AP3B1: variants seen among roughly 807,000 people sequenced by gnomAD.
AP3B1 encodes adaptor related protein complex 3 subunit beta 1.
Under a neutral mutation model 132.5 loss-of-function variants are expected in AP3B1, and 61 were observed. That is an observed-to-expected ratio of 0.46 (90% CI 0.37 to 0.57). The LOEUF (loss-of-function observed/expected upper bound fraction) is 0.57, where lower values mean the gene tolerates loss of function less well. Ranked by LOEUF, AP3B1 falls within the 20% of genes least tolerant of loss-of-function variation. The probability of loss-of-function intolerance (pLI) is 0.00; values close to 1 mark genes in which losing one functional copy is unlikely to be tolerated. For synonymous variants in AP3B1, 388 were observed against 438.3 expected (o/e 0.89, Z 1.43); for missense variants, 1,120 against 1,289.4 (o/e 0.87, Z 2.01).
At chr5:78,170,652 A>G (rs1303815632) in intron 11 of AP3B1, among the ~76,000 whole-genome samples, 1 of 152,150 alleles carries the variant, frequency 6.6e-6, no homozygotes, top group Non-Finnish European at 1.5e-5. Flanking sequence ...AGATGGGTAG[A>G]TTGCAAAATT....
rs62001050 is a variant in AP3B1 at position 78,110,280 on chromosome 5, A to T, written c.2324T>A (p.Ile775Lys). 1.2e-3 allele frequency: 1,929 copies of T among 1,609,122 alleles called. 15 individuals are homozygous for T. The African/African-American group carries it at 0.023, about 20-fold the overall frequency. ...TTCAGAATCGGAAGAACTGTCTTCT[A>T]TTGAACTAGATTCGTCATTTGAAGA... Reference protein sequence around the residue: ...SDSSNDESSSIEDSSSDSESE... With the variant: ...SDSSNDESSSKEDSSSDSESE... Residue 775 changes from isoleucine to lysine, a missense_variant, in exon 20 of 27, where the codon ATA (isoleucine) becomes AAA (lysine). This residue lies in a region of AP3B1 where 906 missense variants were observed against 997.1 expected (regional missense o/e 0.91). Transcript: ENST00000255194.
chr5:78,206,860 G>A (rs1342723906), intron 7 of AP3B1, among the ~76,000 whole-genome samples: 4 of 152,130 alleles, frequency 2.6e-5, no homozygotes, highest in South Asian at 2.1e-4. Context: ...AGTGGCTCAC[G>A]CCTGTAATCC....
At chr5:78,173,038 C>T (rs185913931) in intron 11 of AP3B1, among the ~76,000 whole-genome samples, 1 of 152,188 alleles carries the variant, frequency 6.6e-6, no homozygotes, top group East Asian at 1.9e-4. Flanking sequence ...CATTCAGGAA[C>T]AGGTTGTTCA....
intron 3 of AP3B1, among the ~76,000 whole-genome samples, chr5:78,235,010 G>A (rs1422139958): frequency 6.6e-6 from 1 of 151,954 alleles, no homozygotes; most frequent in Non-Finnish European, 1.5e-5. Flanking sequence ...GTGTGTCAGT[G>A]AGTGGGGGTG....
chr5:78,077,890 C>A (rs1006971434), intron 22 of AP3B1, among the ~76,000 whole-genome samples: 2 of 152,098 alleles, frequency 1.3e-5, no homozygotes, highest in African/African-American at 4.8e-5. Flanking sequence ...CTATGACTCA[C>A]CTCCTTCTTT....
intron 16 of AP3B1, 133 bp downstream of exon 16, chr5:78,128,988 G>A: frequency 1.3e-6 from 1 of 770,106 alleles, no homozygotes. Flanking sequence ...TAGAAAGCAT[G>A]CTGTTCTTAT....
chr5:78,125,753 T>G (rs546160617), intron 17 of AP3B1, among the ~76,000 whole-genome samples: 139 of 152,298 alleles, frequency 9.1e-4, no homozygotes, highest in Non-Finnish European at 1.4e-3. Context: ...ATTAATTTCA[T>G]AAATATAATC....
At chr5:78,041,205 C>T (rs557673646) in intron 22 of AP3B1, among the ~76,000 whole-genome samples, 2 of 150,222 alleles carry the variant, frequency 1.3e-5, no homozygotes, top group Non-Finnish European at 3.0e-5. Flanking sequence ...ACCTGGGAGG[C>T]GGAGGTTGCT....
chr5:78,016,773 C>G (rs1427750253), intron 25 of AP3B1, among the ~76,000 whole-genome samples: 1 of 152,058 alleles, frequency 6.6e-6, no homozygotes, highest in Non-Finnish European at 1.5e-5. Context: ...CTTTCAAACT[C>G]TGGGAACACT....
chr5:78,142,019 G>C (rs551293486), intron 14 of AP3B1, among the ~76,000 whole-genome samples: 1 of 152,270 alleles, frequency 6.6e-6, no homozygotes, highest in African/African-American at 2.4e-5. Flanking sequence ...TGCTCTTTAT[G>C]TATTAGCATC....
intron 1 of AP3B1, among the ~76,000 whole-genome samples, chr5:78,274,681 G>A (rs984259729): frequency 6.6e-6 from 1 of 152,160 alleles, no homozygotes; most frequent in Non-Finnish European, 1.5e-5. Context: ...CACTTTGGGA[G>A]GCCAATGCAA....
At chr5:78,188,532 A>G (rs1235601075) in intron 7 of AP3B1, among the ~76,000 whole-genome samples, 4 of 152,254 alleles carry the variant, frequency 2.6e-5, no homozygotes, top group East Asian at 3.8e-4. Context: ...ACAATTAGAT[A>G]TCATTTCATA....
rs1173309155 is a variant in AP3B1, at chr5:78,279,746, A to G, written c.129-12151T>C. Among the ~76,000 whole-genome samples the G allele has an allele frequency of 2.7e-5, 4 of 149,650 alleles. No homozygotes were observed. In the East Asian group the frequency reaches 7.8e-4, roughly 29 times the overall value. The stretch of plus-strand genomic sequence containing the variant: ...CAACATAGGGAGACCTAATCTCTAC[A>G]AAAGAAAAATATATATTTTTTAACA... On this transcript the variant is annotated intron_variant, in intron 1 of 26. Coordinates refer to ENST00000255194, the MANE Select transcript of AP3B1 (RefSeq NM_003664.5).
chr5:78,206,112 C>T (rs536741328), intron 7 of AP3B1, among the ~76,000 whole-genome samples: 2 of 151,932 alleles, frequency 1.3e-5, no homozygotes, highest in Non-Finnish European at 2.9e-5. Flanking sequence ...GAATCAGCAA[C>T]TTAGATGACA....
intron 22 of AP3B1, among the ~76,000 whole-genome samples, chr5:78,063,170 C>T (rs573633941): frequency 6.6e-6 from 1 of 152,174 alleles, no homozygotes; most frequent in African/African-American, 2.4e-5. Context: ...CTCAGGTTTC[C>T]CACAATGTAT....
intron 21 of AP3B1, among the ~76,000 whole-genome samples, chr5:78,095,719 TTCTATTTATCTATTACAGCACCTAC>T (rs1369950472): frequency 1.3e-5 from 2 of 152,218 alleles, no homozygotes; most frequent in Non-Finnish European, 2.9e-5. Context: ...AATGACTAAA[TTCTATTTATCTATTACAGCACCTAC>T]TAAAGTACCT....
At chr5:78,090,548 A>C (rs1270757253) in intron 21 of AP3B1, among the ~76,000 whole-genome samples, 1 of 152,232 alleles carries the variant, frequency 6.6e-6, no homozygotes, top group East Asian at 1.9e-4. Flanking sequence ...GCTCACCTGC[A>C]AACAGCTTAT....
At chr5:78,241,391 C>T (rs1171863601) in intron 2 of AP3B1, among the ~76,000 whole-genome samples, 2 of 152,016 alleles carry the variant, frequency 1.3e-5, no homozygotes, top group Non-Finnish European at 2.9e-5. Context: ...CAGGGTACCA[C>T]TATGTTGCCC....
intron 17 of AP3B1, among the ~76,000 whole-genome samples, chr5:78,123,418 G>A (rs1053673123): frequency 3.3e-4 from 50 of 152,206 alleles, no homozygotes; most frequent in Non-Finnish European, 5.3e-4. Flanking sequence ...GCAATCTACA[G>A]AATGGGAGAA....
Sources: gnomAD v4.1 joint callset for allele counts (sites outside exome capture counted in the v4.1 genomes callset) on GRCh38, gnomAD v4.1.1 for gene constraint, gnomAD v4.1.1 regional missense constraint, MANE v1.5 for transcripts, NCBI Gene and HGNC (gene_info 2026-07-23, HGNC 2026-07-21) for gene names.